Variants in CTNNA2 observed in about 807,000 individuals in gnomAD.
CTNNA2 encodes the protein catenin alpha-2.
CTNNA2 carries 42 observed loss-of-function variants against 101.0 expected under a neutral mutation model. The observed-to-expected ratio is 0.42, with a 90% CI of 0.32 to 0.54. The LOEUF is 0.54. CTNNA2 is among the 20% of genes least tolerant of loss of function. The pLI is 0.14. For missense variants in CTNNA2, 871 were observed against 1,223.1 expected, an observed-to-expected ratio of 0.71 and a Z score of 4.29; for synonymous variants, 450 against 456.4, an observed-to-expected ratio of 0.99 and a Z score of 0.18.
intron 7 of CTNNA2, chr2:80,378,744 T>A (rs1266875734): frequency 1.3e-5 from 2 of 152,196 alleles, no homozygotes; most frequent in African/African-American, 4.8e-5. Context: ...CTTGCCTTTT[T>A]CATCAGGGCT....
At chr2:79,683,723 A>G (rs112907567) in intron 2 of CTNNA2, among the ~76,000 whole-genome samples, 9 of 148,332 alleles carry the variant, frequency 6.1e-5, no homozygotes, top group Non-Finnish European at 1.2e-4. Flanking sequence ...ACTTCACACA[A>G]TTGTGAGAGA....
chr2:79,783,420 A>G (rs1674602766), intron 3 of CTNNA2, among the ~76,000 whole-genome samples: 1 of 152,202 alleles, frequency 6.6e-6, no homozygotes, highest in South Asian at 2.1e-4. Flanking sequence ...CACCTTTTCC[A>G]GAAATCCCTC....
intron 3 of CTNNA2, among the ~76,000 whole-genome samples, chr2:79,792,076 A>C (rs1265388716): frequency 1.3e-5 from 2 of 152,202 alleles, no homozygotes; most frequent in African/African-American, 4.8e-5. Flanking sequence ...TCCATTAAAA[A>C]ATATATTTTG....
At chr2:80,588,416 T>C (rs1364116099) in intron 14 of CTNNA2, among the ~76,000 whole-genome samples, 1 of 152,214 alleles carries the variant, frequency 6.6e-6, no homozygotes, top group Non-Finnish European at 1.5e-5. Context: ...CAACCTCATC[T>C]GGGAATGTGC....
At chr2:79,706,461 C>A (rs1685388114) in intron 2 of CTNNA2, among the ~76,000 whole-genome samples, 1 of 151,772 alleles carries the variant, frequency 6.6e-6, no homozygotes, top group Non-Finnish European at 1.5e-5. Context: ...GGGAAAAAAC[C>A]TTTCACCAAC....
In CTNNA2 at chr2:80,439,603, G is replaced by A. The variant is rs564730686; in HGVS notation, c.1290+20002G>A. ...TTTAGTAGAGAAGAGGTTTTGCCACGTTGGCCGGGCTGGTCTTGAATTCCT... is the reference window on the plus strand; with the variant it reads ...TTTAGTAGAGAAGAGGTTTTGCCACATTGGCCGGGCTGGTCTTGAATTCCT... On this transcript the variant is annotated intron_variant, in intron 9 of 18. Transcript: ENST00000402739. Among the ~76,000 whole-genome samples, 6 of 152,182 alleles carry A rather than the reference G, an allele frequency of 3.9e-5. No homozygotes were observed. In the East Asian group the frequency reaches 5.8e-4, roughly 15 times the overall value.
At chr2:80,014,999 C>T (rs898024239) in intron 7 of CTNNA2, among the ~76,000 whole-genome samples, 1 of 152,078 alleles carries the variant, frequency 6.6e-6, no homozygotes, top group Non-Finnish European at 1.5e-5. Flanking sequence ...TAGAATATTC[C>T]ACCATCCTCA....
chr2:80,278,152 G>A (rs974446042), intron 7 of CTNNA2, among the ~76,000 whole-genome samples: 1 of 152,082 alleles, frequency 6.6e-6, no homozygotes, highest in African/African-American at 2.4e-5. Context: ...CCCTCATAGA[G>A]TATGGTAAAA....
chr2:79,965,879 GAAA>G (rs1690021613), intron 7 of CTNNA2, among the ~76,000 whole-genome samples: 1 of 127,812 alleles, frequency 7.8e-6, no homozygotes, highest in East Asian at 2.2e-4. Context: ...AAAAGAAAAA[GAAA>G]AAGACAAAGA....
At chr2:79,508,992 TATATATATATATATATATATAA>T (rs1389560333), upstream of CTNNA2, among the ~76,000 whole-genome samples, 19 of 60,752 alleles carry the variant, frequency 3.1e-4, no homozygotes, top group Non-Finnish European at 5.3e-4. Context: ...TATATATATA[TATATATATATATATATATATAA>T]ACAATTACCT....
intron 7 of CTNNA2, among the ~76,000 whole-genome samples, chr2:79,977,919 C>T (rs897884179): frequency 9.9e-5 from 15 of 152,200 alleles, no homozygotes; most frequent in African/African-American, 3.4e-4. Flanking sequence ...CTGTTGGGTG[C>T]TCAAGCTTGG....
intron 9 of CTNNA2, among the ~76,000 whole-genome samples, chr2:80,427,162 T>G (rs1193877017): frequency 6.6e-6 from 1 of 152,116 alleles, no homozygotes; most frequent in Non-Finnish European, 1.5e-5. Context: ...ATGTAGCCAG[T>G]GATGTTGCCA....
chr2:80,437,281 A>C (rs1682127155), intron 9 of CTNNA2, among the ~76,000 whole-genome samples: 1 of 152,210 alleles, frequency 6.6e-6, no homozygotes, highest in African/African-American at 2.4e-5. Flanking sequence ...CAACGTACTT[A>C]GTCACTGAGA....
chr2:80,095,409 A>G (rs1558802492), intron 7 of CTNNA2, among the ~76,000 whole-genome samples: 2 of 152,136 alleles, frequency 1.3e-5, no homozygotes. Flanking sequence ...GTTTGCCAGT[A>G]TTTTATTGAG....
At chr2:80,304,325 G>A (rs1676687316) in intron 7 of CTNNA2, 1 of 152,966 alleles carries the variant, frequency 6.5e-6, no homozygotes, top group African/African-American at 2.4e-5. Context: ...CTGCAAGGGC[G>A]GCCGGCAAGG....
chr2:79,779,762 A>G (rs1674283234), intron 3 of CTNNA2, among the ~76,000 whole-genome samples: 1 of 152,116 alleles, frequency 6.6e-6, no homozygotes, highest in South Asian at 2.1e-4. Context: ...GATGAGCTTG[A>G]AAGTTCACCC....
At chr2:79,999,979 AG>A (rs1298274960) in intron 7 of CTNNA2, among the ~76,000 whole-genome samples, 1 of 152,154 alleles carries the variant, frequency 6.6e-6, no homozygotes, top group Non-Finnish European at 1.5e-5. Context: ...ACCTGTGGGG[AG>A]GAACTGCAGT....
In CTNNA2 at chr2:80,619,131, A is replaced by G; in HGVS notation, c.2477A>G (p.Asp826Gly). 2 of 1,550,496 alleles carry G rather than the reference A, an allele frequency of 1.3e-6. No homozygotes were observed. The highest frequency in any genetic ancestry group is 2.7e-5 in the African/African-American group (2 of 72,934). Residue 826 changes from aspartate to glycine, a missense_variant, in exon 18 of 19, where the codon GAT becomes GGT. Physicochemically the swap from Asp to Gly is moderately conservative, Grantham distance 94 (BLOSUM62 -1). Around this residue, in one of 5 missense-constraint regions of CTNNA2, gnomAD observed 65 missense variants for 53.3 expected, o/e 1.22. Coordinates refer to ENST00000402739, the MANE Select transcript of CTNNA2 (RefSeq NM_001282597.3). ...TFTTFYEVDC[D>G]VIDGGRASQL... ...ACTACCTTTTATGAGGTAGATTGTG[A>G]TGTCATAGATGGGGGCAGGGCTAGT... is the stretch of plus-strand genomic sequence containing the variant.
At chr2:80,423,660 C>A (rs983368828) in intron 9 of CTNNA2, among the ~76,000 whole-genome samples, 2 of 152,142 alleles carry the variant, frequency 1.3e-5, no homozygotes, top group Non-Finnish European at 2.9e-5. Flanking sequence ...GATGATGCAA[C>A]ACACCCACCA....
Sources: allele counts gnomAD v4.1 joint callset (sites outside exome capture counted in the v4.1 genomes callset), GRCh38; gene constraint gnomAD v4.1.1; regional missense constraint gnomAD v4.1.1; transcripts MANE v1.5; gene names NCBI Gene and HGNC (gene_info 2026-07-23, HGNC 2026-07-21).